The following KAZN variants were observed in gnomAD, a reference collection of about 807,000 sequenced individuals.
KAZN encodes the protein kazrin.
Under a neutral mutation model 87.4 loss-of-function variants are expected in KAZN, and 40 were observed. The ratio of observed to expected loss-of-function variants is 0.46; its 90% CI spans 0.36 to 0.60. The LOEUF is 0.60. Among genes scored for constraint, KAZN ranks in the 20% least tolerant of loss-of-function variants. The pLI, the probability that KAZN is intolerant of heterozygous loss-of-function variation, is 0.00. For synonymous variants in KAZN, 466 were observed against 458.3 expected (o/e 1.02, Z -0.22); for missense variants, 898 against 1,073.9 (o/e 0.84, Z 2.29).
At chr1:14,670,577 TGATTCAGTA>T (rs1639859380) in intron 1 of KAZN, among the ~76,000 whole-genome samples, 1 of 152,232 alleles carries the variant, frequency 6.6e-6, no homozygotes, top group Non-Finnish European at 1.5e-5. Flanking sequence ...CCTCTGATTC[TGATTCAGTA>T]GATCTGGGGA....
At chr1:14,575,756 G>A (rs7527439) in intron 2 of KAZN, among the ~76,000 whole-genome samples, 14,801 of 152,198 alleles carry the variant, frequency 0.097, 798 homozygotes, top group Non-Finnish European at 0.12. Context: ...GAACCTGGTC[G>A]TTCATCTATC....
chr1:14,321,900 A>C (rs1656075662), intron 2 of KAZN, among the ~76,000 whole-genome samples: 1 of 152,170 alleles, frequency 6.6e-6, no homozygotes, highest in Non-Finnish European at 1.5e-5. Context: ...GAGCTTACCC[A>C]TGGACTTCCC....
intron 1 of KAZN, among the ~76,000 whole-genome samples, chr1:14,611,625 G>A (rs1046335664): frequency 9.9e-5 from 15 of 151,122 alleles, no homozygotes; most frequent in African/African-American, 3.4e-4. Context: ...GGAGTTTGAG[G>A]TTGCAGTGAG....
At chr1:14,794,509 C>G (rs1390637270) in intron 1 of KAZN, among the ~76,000 whole-genome samples, 2 of 152,194 alleles carry the variant, frequency 1.3e-5, no homozygotes, top group Non-Finnish European at 2.9e-5. Context: ...TGTTGAACAA[C>G]CAGTTCTCAC....
At chr1:14,042,491 T>C (rs892701207) in intron 1 of KAZN, among the ~76,000 whole-genome samples, 4 of 152,204 alleles carry the variant, frequency 2.6e-5, no homozygotes, top group African/African-American at 4.8e-5. Context: ...CCAGGGCAAA[T>C]TGGCTTGCTT....
intron 1 of KAZN, among the ~76,000 whole-genome samples, chr1:14,958,755 T>C (rs564970171): frequency 3.3e-5 from 5 of 152,288 alleles, no homozygotes; most frequent in Non-Finnish European, 5.9e-5. Context: ...TCTACCTGCA[T>C]GTGTCCGGTC....
chr1:13,943,964 G>C (rs1392173915), intron 1 of KAZN, among the ~76,000 whole-genome samples: 6 of 152,130 alleles, frequency 3.9e-5, no homozygotes, highest in Non-Finnish European at 5.9e-5. Context: ...TTTTGGAAAA[G>C]TTTGGCACTT....
In KAZN at chr1:13,923,588, A is replaced by AAAAAAG. The variant is rs1553174046; in HGVS notation, c.91+29836_91+29837insAGAAAA. Among the ~76,000 whole-genome samples, 229 of 139,886 alleles carry AAAAAAG rather than the reference A, an allele frequency of 1.6e-3. 7 individuals carry two copies. Among genetic ancestry groups the AAAAAAG allele is most frequent in the African/African-American group, 5.4e-3 (191 of 35,662 alleles). The allele number at this position is 139,886 out of a possible 152,430, so 91.8% of individuals were successfully genotyped here. ...ACTCCATCTCAAAAAAAAAAAAAAA[A>AAAAAAG]AAAATATAATTACTGTTTGTTAAGT... is the stretch of plus-strand genomic sequence containing the variant. On this transcript the variant is annotated intron_variant, in intron 1 of 16. Coordinates refer to the KAZN transcript ENST00000636203.
intron 13 of KAZN, among the ~76,000 whole-genome samples, chr1:15,105,402 T>C (rs1641259461): frequency 6.6e-6 from 1 of 152,238 alleles, no homozygotes; most frequent in Non-Finnish European, 1.5e-5. Flanking sequence ...GCTTATATCT[T>C]TCTAGGAATT....
chr1:14,458,391 C>G (rs1203495148), intron 2 of KAZN, among the ~76,000 whole-genome samples: 1 of 152,172 alleles, frequency 6.6e-6, no homozygotes, highest in African/African-American at 2.4e-5. Context: ...GTAATCTCTT[C>G]TGAAAGTAAT....
chr1:14,597,930 G>C (rs1483295430), upstream of KAZN, among the ~76,000 whole-genome samples: 1 of 152,166 alleles, frequency 6.6e-6, no homozygotes, highest in Non-Finnish European at 1.5e-5. Context: ...GGTAAACTGA[G>C]GCAGCAGGGC....
intron 1 of KAZN, among the ~76,000 whole-genome samples, chr1:14,727,548 C>G (rs1250950705): frequency 7.3e-6 from 1 of 137,622 alleles, no homozygotes; most frequent in Non-Finnish European, 1.5e-5. Flanking sequence ...GGCACGATCT[C>G]GGCACACTGC....
chr1:14,439,192 C>G (rs958817746), intron 2 of KAZN, among the ~76,000 whole-genome samples: 1 of 152,220 alleles, frequency 6.6e-6, no homozygotes, highest in Admixed American at 6.5e-5. Context: ...AAGATGCTGA[C>G]CACAGATTTC....
chr1:14,351,475 C>A (rs1213789334), intron 2 of KAZN, among the ~76,000 whole-genome samples: 1 of 152,156 alleles, frequency 6.6e-6, no homozygotes, highest in Non-Finnish European at 1.5e-5. Flanking sequence ...AGGAGAATTG[C>A]TTGAACCCGG....
intron 1 of KAZN, among the ~76,000 whole-genome samples, chr1:13,999,859 G>A (rs1246004981): frequency 1.3e-5 from 2 of 152,114 alleles, no homozygotes; most frequent in Non-Finnish European, 2.9e-5. Context: ...AATGATTAAA[G>A]GGGATATCAC....
At chr1:14,642,805 G>A (rs997189957) in intron 1 of KAZN, among the ~76,000 whole-genome samples, 1 of 152,074 alleles carries the variant, frequency 6.6e-6, no homozygotes, top group Non-Finnish European at 1.5e-5. Context: ...GAAAAAGAAC[G>A]ATTATTGTCA....
At chr1:14,423,572 G>A (rs1665550971) in intron 2 of KAZN, among the ~76,000 whole-genome samples, 2 of 152,110 alleles carry the variant, frequency 1.3e-5, no homozygotes, top group Non-Finnish European at 2.9e-5. Context: ...ATAATACCAG[G>A]TCTAGAGGAT....
intron 1 of KAZN, among the ~76,000 whole-genome samples, chr1:14,749,589 G>A (rs2100481973): frequency 6.6e-6 from 1 of 152,322 alleles, no homozygotes; most frequent in African/African-American, 2.4e-5. Flanking sequence ...GGCTCGGCCT[G>A]TGGTTACAGG....
intron 1 of KAZN, among the ~76,000 whole-genome samples, chr1:13,898,675 C>G (rs1181795141): frequency 6.6e-6 from 1 of 152,184 alleles, no homozygotes; most frequent in Non-Finnish European, 1.5e-5. Context: ...ACCTGCAAGG[C>G]TCCTTGTTTG....
Sources: allele counts gnomAD v4.1 joint callset (sites outside exome capture counted in the v4.1 genomes callset), GRCh38; gene constraint gnomAD v4.1.1; transcripts MANE v1.5; gene names NCBI Gene and HGNC (gene_info 2026-07-23, HGNC 2026-07-21).